HFM1: variants seen among roughly 807,000 people sequenced by gnomAD.
HFM1 encodes the protein helicase for meiosis 1.
In HFM1, 169 loss-of-function variants were observed where a neutral mutation model predicts 192.1. That is an observed-to-expected ratio of 0.88 (90% CI 0.78 to 1.00). The LOEUF is 1.00. Ranked by LOEUF, HFM1 falls within the 50% of genes least tolerant of loss-of-function variation. HFM1 has a pLI of 0.00. For missense variants in HFM1, 1,661 were observed against 1,668.0 expected (o/e 1.00, Z 0.07); for synonymous variants, 525 against 537.8 (o/e 0.98, Z 0.33).
intron 30 of HFM1, among the ~76,000 whole-genome samples, chr1:91,288,867 G>C (rs1231993174): frequency 6.6e-6 from 1 of 152,154 alleles, no homozygotes; most frequent in Admixed American, 6.5e-5. Flanking sequence ...CGTCATCATG[G>C]CCCTTTCTCA....
intron 18 of HFM1, among the ~76,000 whole-genome samples, chr1:91,350,239 C>G (rs990393267): frequency 2.6e-5 from 4 of 151,960 alleles, no homozygotes; most frequent in African/African-American, 9.7e-5. Flanking sequence ...TCAACAACCC[C>G]AAGTTGAATG....
At chr1:91,403,888 T>C (rs1664572207) in intron 1 of HFM1, among the ~76,000 whole-genome samples, 1 of 152,220 alleles carries the variant, frequency 6.6e-6, no homozygotes, top group African/African-American at 2.4e-5. Flanking sequence ...TATAAAATTA[T>C]TGTATACAAT....
intron 23 of HFM1, among the ~76,000 whole-genome samples, chr1:91,321,566 A>C (rs571447156): frequency 8.7e-4 from 133 of 152,340 alleles, no homozygotes; most frequent in Non-Finnish European, 1.4e-3. Flanking sequence ...AAGTTCAGCA[A>C]AGTAACAGGG....
At position 91,352,979 on chromosome 1, in the gene HFM1, T is replaced by C. The variant is rs933341511; in HGVS notation, c.1831+72A>G. The stretch of plus-strand genomic sequence containing the variant: ...AGAAACAAGCAGAACACTTGCGCTT[T>C]TTCCTTTTTTCCTCTTAAAAATAAT... On this transcript the variant is annotated intron_variant, in intron 15 of 38. Coordinates refer to ENST00000370425, the MANE Select transcript of HFM1 (RefSeq NM_001017975.6). The C allele has an allele frequency of 1.0e-5, 10 of 974,570 alleles. No individual in the cohort carries two copies. In the South Asian group the frequency reaches 1.5e-4, roughly 15 times the overall value. 60.4% of individuals were successfully genotyped at this position (974,570 alleles called of 1,614,324 possible).
At chr1:91,406,184 C>T (rs1352446483), upstream of HFM1, among the ~76,000 whole-genome samples, 1 of 152,198 alleles carries the variant, frequency 6.6e-6, no homozygotes, top group Non-Finnish European at 1.5e-5. Context: ...AGGCCCTCGC[C>T]AAATACCGGA....
chr1:91,264,522 G>C (rs566005209), intron 36 of HFM1, among the ~76,000 whole-genome samples: 144 of 148,562 alleles, frequency 9.7e-4, no homozygotes, highest in Non-Finnish European at 1.7e-3. Context: ...ACAGGCGCCC[G>C]CCATCACGCC....
Position 91,276,667 on chromosome 1 carries a change from C to T in HFM1, c.3549G>A (p.Arg1183=), listed in dbSNP as rs1369372749. 1 of 1,569,754 alleles carries T rather than the reference C, an allele frequency of 6.4e-7. No individual in the cohort carries two copies. ...ISSYLSDLRN[R]NAVSSVPPVK... is the part of the protein sequence containing the mutation. ...CTGGAGGAACAGATGAAACAGCATT[C>T]CTGTTTCTTAAATCAGATAAATATG... is the stretch of plus-strand genomic sequence containing the variant. The change falls in exon 32 of 39, where the codon AGG becomes AGA. Residue 1183 remains arginine (R), a synonymous_variant. Coordinates refer to ENST00000370425, the MANE Select transcript of HFM1 (RefSeq NM_001017975.6).
In HFM1 at chr1:91,378,065, C is replaced by T. The variant is rs748343941; in HGVS notation, c.1355G>A (p.Arg452Gln). The T allele has an allele frequency of 1.2e-6, 2 of 1,611,978 alleles. No homozygotes were observed. The highest frequency in any genetic ancestry group is 2.2e-5 in the East Asian group (1 of 44,788). The change falls in exon 11 of 39, where the codon CGA (arginine) becomes CAA (glutamine). Residue 452 changes from arginine to glutamine, a missense_variant. Physicochemically the swap from Arg to Gln is conservative, Grantham distance 43. Transcript: ENST00000370425. ...AATTGTTGCAGATACAGCTACAAAT[C>T]GCATTGGAATAGCAGTGCTGGTATT... is the stretch of plus-strand genomic sequence containing the variant. Reference protein sequence around the residue: ...LKNTSTAIPMRFVAVSATIPN... With the variant: ...LKNTSTAIPMQFVAVSATIPN...
At chr1:91,397,790 G>C (rs1324298807) in intron 2 of HFM1, among the ~76,000 whole-genome samples, 1 of 152,204 alleles carries the variant, frequency 6.6e-6, no homozygotes, top group Non-Finnish European at 1.5e-5. Context: ...CCAGGCATGA[G>C]CTTTCAAGAG....
chr1:91,262,378 T>G lies in HFM1; in HGVS notation c.4101A>C (p.Glu1367Asp). 1 of 1,575,770 alleles carries G rather than the reference T, an allele frequency of 6.3e-7. No homozygotes were observed. Among genetic ancestry groups the G allele is most frequent in the Non-Finnish European group, 8.6e-7 (1 of 1,161,218 alleles). The change falls in exon 38 of 39, where the codon GAA (glutamate) becomes GAC (aspartate). Residue 1367 changes from glutamate to aspartate, a missense_variant. Glu to Asp is a conservative substitution (Grantham distance 45, BLOSUM62 2). Coordinates refer to ENST00000370425, the MANE Select transcript of HFM1 (RefSeq NM_001017975.6). ...AGNAVIVHFQ[E>D]RKPQNLSPEI... ...CTGGTGACAGATTTTGTGGTTTTCT[T>G]TCTTGAAAATGGACCTACATTTGAG...
chr1:91,320,485 ACTC>A (rs1250744987), intron 23 of HFM1, among the ~76,000 whole-genome samples: 2 of 152,082 alleles, frequency 1.3e-5, no homozygotes, highest in African/African-American at 4.8e-5. Flanking sequence ...GGTAAATAAA[ACTC>A]CTTGTTAAGC....
At chr1:91,287,596 A>C (rs11487638) in intron 30 of HFM1, among the ~76,000 whole-genome samples, 2 of 152,108 alleles carry the variant, frequency 1.3e-5, no homozygotes, top group African/African-American at 2.4e-5. Context: ...GAAACTAAAA[A>C]GCAGAGCACC....
In HFM1 at chr1:91,343,475, G is replaced by T; in HGVS notation, c.2290C>A (p.Leu764Met). The T allele has an allele frequency of 6.9e-7, 1 of 1,440,422 alleles. No individual in the cohort carries two copies. The highest frequency in any genetic ancestry group is 9.5e-7 in the Non-Finnish European group (1 of 1,050,610). 89.2% of individuals were successfully genotyped at this position (1,440,422 alleles called of 1,614,324 possible). Residue 764 changes from leucine (L) to methionine (M), a missense_variant, in exon 20 of 39, where the codon CTG (leucine) becomes ATG (methionine). Leu to Met is a conservative substitution (Grantham distance 15). Transcript: ENST00000370425. ...CCTTCATCCATCTTTATTAAGTCCA[G>T]GGATGATAAATCATTCAGATTCTTC... ...CLKNLNDLSSLDLIKMDEGVN... is the reference protein window; with the variant it reads ...CLKNLNDLSSMDLIKMDEGVN...
rs538109227 is a variant in HFM1 at position 91,374,988 on chromosome 1, G to A, written c.1685+370C>T. On this transcript the variant is annotated intron_variant, in intron 13 of 38. Coordinates refer to ENST00000370425, the MANE Select transcript of HFM1 (RefSeq NM_001017975.6). ...AGCCTGCAAAGGAGGAAGAAAATCA[G>A]TAGAAATGATCATGGAAGCACAGAG... Among the ~76,000 whole-genome samples, 7 of 152,192 alleles carry A rather than the reference G, an allele frequency of 4.6e-5. No individual in the cohort carries two copies. The South Asian group carries it at 1.0e-3, about 23-fold the overall frequency.
chr1:91,315,912 C>A lies in HFM1; in HGVS notation c.3043G>T (p.Glu1015Ter), dbSNP rs2101174416. The change falls in exon 28 of 39, where the codon GAA becomes TAA. Residue 1015 changes from glutamate (E) to a stop codon, truncating the protein, a stop_gained. Transcript: ENST00000370425. LOFTEE classifies it high-confidence loss of function. ...ILVTVILRNF[E>*]QLQTKRTASD... ...GCTGTTCTTTTAGTTTGTAGCTGTTCAAAATTTCTTAATATAACAGTCACT... is the reference window on the plus strand; with the variant it reads ...GCTGTTCTTTTAGTTTGTAGCTGTTAAAAATTTCTTAATATAACAGTCACT... 1.9e-6 allele frequency: 3 copies of A among 1,604,340 alleles called. No individual in the cohort carries two copies. The highest frequency in any genetic ancestry group is 2.2e-5 in the East Asian group (1 of 44,706).
chr1:91,385,667 G>A lies in HFM1; in HGVS notation c.662C>T (p.Thr221Ile), dbSNP rs1386575432. 1.2e-6 allele frequency: 2 copies of A among 1,611,224 alleles called. No homozygotes were observed. The highest frequency in any genetic ancestry group is 1.7e-6 in the Non-Finnish European group (2 of 1,177,434). The change falls in exon 5 of 39, where the codon ACA becomes ATA. Residue 221 changes from threonine (T) to isoleucine (I), a missense_variant. Thr to Ile is a moderately conservative substitution (Grantham distance 89). Coordinates refer to ENST00000370425, the MANE Select transcript of HFM1 (RefSeq NM_001017975.6). ...AGAAGCAGAAAAAGCATTATTTGCT[G>A]TAAACACATTTGCAGAATACTGAAA... Reference protein sequence around the residue: ...QKFQYSANVFTANNAFSASEI... With the variant: ...QKFQYSANVFIANNAFSASEI...
At chr1:91,391,185 T>C (rs1426668301) in intron 4 of HFM1, among the ~76,000 whole-genome samples, 7 of 152,176 alleles carry the variant, frequency 4.6e-5, no homozygotes, top group East Asian at 1.9e-4. Context: ...CCCAAGGTAA[T>C]TGATAGATTC....
At chr1:91,280,461 C>T (rs1207548169) in intron 30 of HFM1, among the ~76,000 whole-genome samples, 1 of 152,170 alleles carries the variant, frequency 6.6e-6, no homozygotes, top group African/African-American at 2.4e-5. Flanking sequence ...TGCATATCTC[C>T]ATATAGGCCA....
intron 13 of HFM1, among the ~76,000 whole-genome samples, chr1:91,372,214 T>C (rs1322310864): frequency 4.6e-5 from 7 of 152,194 alleles, no homozygotes; most frequent in Non-Finnish European, 1.0e-4. Context: ...GAAATACCAT[T>C]TGATCCAGCC....
Sources: allele counts gnomAD v4.1 joint callset (sites outside exome capture counted in the v4.1 genomes callset), GRCh38; gene constraint gnomAD v4.1.1; transcripts MANE v1.5; gene names NCBI Gene and HGNC (gene_info 2026-07-23, HGNC 2026-07-21).